Variants in UTS2 observed in about 807,000 individuals in gnomAD.
UTS2 encodes the protein urotensin 2.
Under a neutral mutation model 12.6 loss-of-function variants are expected in UTS2, and 10 were observed. That is an observed-to-expected ratio of 0.80 (90% CI 0.49 to 1.35). The LOEUF (loss-of-function observed/expected upper bound fraction) is 1.35, where lower values mean the gene tolerates loss of function less well. Among genes scored for constraint, UTS2 ranks in the 40% most tolerant of loss-of-function variants. The pLI, the probability that UTS2 is intolerant of heterozygous loss-of-function variation, is 0.00. For missense variants in UTS2, 142 were observed against 143.2 expected (o/e 0.99, Z 0.04); for synonymous variants, 52 against 50.0 (o/e 1.04, Z -0.17).
At chr1:7,852,783 T>G in intron 1 of UTS2, 118 bp downstream of exon 1, 1 of 1,187,190 alleles carries the variant, frequency 8.4e-7, no homozygotes, top group Non-Finnish European at 1.2e-6. Flanking sequence ...CTGGGACTAT[T>G]GAGAGAACAA....
chr1:7,893,561 A>G, the UTS2 span, among the ~76,000 whole-genome samples: 1 of 152,162 alleles, frequency 6.6e-6, no homozygotes, highest in South Asian at 2.1e-4. Flanking sequence ...AGAAATACCA[A>G]TTTTGCAAAA....
the UTS2 span, among the ~76,000 whole-genome samples, chr1:7,868,596 C>T: frequency 0.23 from 34,535 of 152,094 alleles, 4,593 homozygotes; most frequent in African/African-American, 0.35. Context: ...CCGTGAGGGC[C>T]GGAAGGCCCA....
chr1:7,907,747 GC>G, the UTS2 span, among the ~76,000 whole-genome samples: 2 of 152,004 alleles, frequency 1.3e-5, no homozygotes, highest in Non-Finnish European at 2.9e-5. Context: ...ACTCCCTTAG[GC>G]CCCTATTTCA....
chr1:7,862,998 G>GTATTGTATT, the UTS2 span, among the ~76,000 whole-genome samples: 3 of 19,584 alleles, frequency 1.5e-4, no homozygotes, highest in Admixed American at 6.1e-4. Context: ...GTGTTGTATT[G>GTATTGTATT]TATTGTATTG....
upstream of UTS2, among the ~76,000 whole-genome samples, chr1:7,856,441 G>A (rs78980085): frequency 0.11 from 16,199 of 152,262 alleles, 1,165 homozygotes; most frequent in South Asian, 0.21. Flanking sequence ...CTGAGCAGGA[G>A]CCGAAAGGAA....
At chr1:7,881,907 A>C in the UTS2 span, among the ~76,000 whole-genome samples, 1 of 152,226 alleles carries the variant, frequency 6.6e-6, no homozygotes. Flanking sequence ...CCAAAACAGC[A>C]TGGTATTGGT....
the UTS2 span, among the ~76,000 whole-genome samples, chr1:7,865,496 G>A: frequency 8.3e-6 from 1 of 120,846 alleles, no homozygotes; most frequent in African/African-American, 2.7e-5. Context: ...CTGTCGGTCC[G>A]ATACCATCTT....
the UTS2 span, among the ~76,000 whole-genome samples, chr1:7,909,540 C>CT: frequency 1.9e-5 from 2 of 106,562 alleles, no homozygotes; most frequent in Non-Finnish European, 3.7e-5. Flanking sequence ...GAGCAAGACT[C>CT]TGTCTCAAAA....
chr1:7,857,458 G>C (rs553735338), upstream of UTS2, among the ~76,000 whole-genome samples: 223 of 123,140 alleles, frequency 1.8e-3, no homozygotes, highest in Non-Finnish European at 2.7e-3. Flanking sequence ...TAGAATATCA[G>C]GTAGTTACTA....
rs1558503552 is a variant in UTS2, at chr1:7,847,885, AAAAC to A, written c.259-7_259-4del. 11 of 1,589,266 alleles carry A rather than the reference AAAAC, an allele frequency of 6.9e-6. No homozygotes were observed. The highest frequency in any genetic ancestry group is 8.6e-6 in the Non-Finnish European group (10 of 1,163,760). ...TCTTGTCCAGAGAAATCCTGAAACTAAAACAATCCAAACGAACAACAACAACAAA... is the reference window on the plus strand; with the variant it reads ...TCTTGTCCAGAGAAATCCTGAAACTAAATCCAAACGAACAACAACAACAAA... On this transcript the variant is annotated splice_region_variant and splice_polypyrimidine_tract_variant and intron_variant, in intron 3 of 3. Transcript: ENST00000361696.
the UTS2 span, among the ~76,000 whole-genome samples, chr1:7,858,799 G>T: frequency 1.3e-5 from 2 of 152,130 alleles, no homozygotes; most frequent in African/African-American, 4.8e-5. Flanking sequence ...CACCAGGCTG[G>T]TCTCAAACTC....
chr1:7,895,881 G>C, the UTS2 span, among the ~76,000 whole-genome samples: 1 of 152,112 alleles, frequency 6.6e-6, no homozygotes, highest in Non-Finnish European at 1.5e-5. Context: ...CATATTTGAG[G>C]ATATGCGTCA....
chr1:7,854,449 C>T (rs1638260186), upstream of UTS2, among the ~76,000 whole-genome samples: 1 of 146,158 alleles, frequency 6.8e-6, no homozygotes, highest in Non-Finnish European at 1.5e-5. Context: ...GAAGTTGAGG[C>T]TGCAGTGAGC....
At chr1:7,852,674 T>C (rs1325139167) in intron 1 of UTS2, among the ~76,000 whole-genome samples, 1 of 152,152 alleles carries the variant, frequency 6.6e-6, no homozygotes, top group Admixed American at 6.5e-5. Context: ...AACAAGCAAT[T>C]ATCCTCTTCT....
Position 7,852,977 on chromosome 1 carries a change from C to T in UTS2, c.27G>A (p.Leu9=), listed in dbSNP as rs571993597. MYKLASCC[L]LFIGFLNPLL... ...GAGGATTTAAGAATCCTATGAAAAG[C>T]AAACAGCAGGAGGCCAGCTTATACA... Residue 9 remains leucine, a synonymous_variant, in exon 1 of 4, where the codon TTG becomes TTA. Transcript: ENST00000361696. The T allele has an allele frequency of 1.2e-6, 2 of 1,613,304 alleles. No individual in the cohort carries two copies. The highest frequency in any genetic ancestry group is 1.7e-6 in the Non-Finnish European group (2 of 1,179,762).
the UTS2 span, among the ~76,000 whole-genome samples, chr1:7,903,279 C>G: frequency 1.1e-4 from 2 of 18,814 alleles, no homozygotes; most frequent in African/African-American, 5.1e-4. Context: ...TGCTTCCCCT[C>G]CTTCCCCTCC....
At chr1:7,876,913 C>T in the UTS2 span, among the ~76,000 whole-genome samples, 29 of 152,006 alleles carry the variant, frequency 1.9e-4, no homozygotes, top group East Asian at 9.7e-4. Context: ...AGGTGGATTG[C>T]GAGGTCAGGA....
At chr1:7,877,559 T>C in the UTS2 span, among the ~76,000 whole-genome samples, 1 of 152,208 alleles carries the variant, frequency 6.6e-6, no homozygotes, top group East Asian at 1.9e-4. Flanking sequence ...GACAAAGGTA[T>C]AGAAAATATA....
At chr1:7,848,626 C>A (rs1001141563) in intron 3 of UTS2, among the ~76,000 whole-genome samples, 7 of 151,964 alleles carry the variant, frequency 4.6e-5, no homozygotes, top group Non-Finnish European at 8.8e-5. Context: ...TTCAAGTGAT[C>A]CTCCTGCACC....
Sources: allele counts gnomAD v4.1 joint callset (sites outside exome capture counted in the v4.1 genomes callset), GRCh38; gene constraint gnomAD v4.1.1; transcripts MANE v1.5; gene names NCBI Gene and HGNC (gene_info 2026-07-23, HGNC 2026-07-21).